The following PTPRT variants were observed in gnomAD, a reference collection of about 807,000 sequenced individuals.
PTPRT encodes the protein protein tyrosine phosphatase receptor type T, also known as receptor-type tyrosine-protein phosphatase T.
A neutral mutation model predicts 176.8 loss-of-function variants in PTPRT; 56 were observed. The ratio of observed to expected loss-of-function variants is 0.32; its 90% CI spans 0.26 to 0.40. The LOEUF is 0.40. PTPRT is among the 10% of genes least tolerant of loss of function. PTPRT has a pLI of 1.00. For missense variants in PTPRT, 1,540 were observed against 1,908.2 expected (o/e 0.81, Z 3.60); for synonymous variants, 783 against 739.0 (o/e 1.06, Z -0.96).
intron 2 of PTPRT, among the ~76,000 whole-genome samples, chr20:42,884,421 G>A (rs548399307): frequency 1.3e-5 from 2 of 152,192 alleles, no homozygotes; most frequent in South Asian, 4.2e-4. Flanking sequence ...ACCCTCACCT[G>A]GGCATCTCTG....
At chr20:43,036,153 T>C (rs758412199) in intron 1 of PTPRT, among the ~76,000 whole-genome samples, 3 of 152,384 alleles carry the variant, frequency 2.0e-5, no homozygotes, top group South Asian at 4.1e-4. Flanking sequence ...TTATGTATTA[T>C]GAAACTGAAT....
chr20:42,573,313 G>A (rs1352639292), intron 7 of PTPRT, among the ~76,000 whole-genome samples: 3 of 152,142 alleles, frequency 2.0e-5, no homozygotes, highest in African/African-American at 2.4e-5. Flanking sequence ...TTCCACAGTG[G>A]CATGAGTCCA....
chr20:42,501,693 T>G (rs1029312653), intron 7 of PTPRT, among the ~76,000 whole-genome samples: 1 of 152,216 alleles, frequency 6.6e-6, no homozygotes, highest in Non-Finnish European at 1.5e-5. Context: ...ATATTTATTA[T>G]CTGGTTTTTA....
At chr20:42,242,110 C>T (rs907851947) in intron 14 of PTPRT, among the ~76,000 whole-genome samples, 1 of 152,092 alleles carries the variant, frequency 6.6e-6, no homozygotes, top group Non-Finnish European at 1.5e-5. Context: ...TACCCAGAAA[C>T]AAAACAAAAC....
Position 42,812,072 on chromosome 20 carries a change from T to TC in PTPRT, c.215-20607_215-20606insG, listed in dbSNP as rs2077705379. On this transcript the variant is annotated intron_variant, in intron 2 of 30. Coordinates refer to ENST00000373187, the MANE Select transcript of PTPRT (RefSeq NM_007050.6). ...TAGAGAAGTCTGAGGACAACTTGAC[T>TC]TTTTTTTTCTCCTTGTGGAGGATAT... 2.0e-3 allele frequency among the ~76,000 whole-genome samples: 3 copies of TC among 1,484 alleles called. No individual in the cohort carries two copies. In the Admixed American group the frequency reaches 0.021, roughly 10 times the overall value. The allele number at this position is 1,484 out of a possible 152,430, so 1.0% of individuals were successfully genotyped here. A position where few individuals can be genotyped will look rare whatever the true frequency, so the allele number is the denominator to read the frequency against.
chr20:42,245,902 C>T (rs1055250488), intron 14 of PTPRT, among the ~76,000 whole-genome samples: 1 of 152,072 alleles, frequency 6.6e-6, no homozygotes, highest in African/African-American at 2.4e-5. Flanking sequence ...GGGAGAAGAC[C>T]CAGGCAAGCT....
At chr20:42,830,681 T>TG in intron 2 of PTPRT, among the ~76,000 whole-genome samples, 1 of 151,844 alleles carries the variant, frequency 6.6e-6, no homozygotes, top group East Asian at 1.9e-4. Context: ...ACAACATGAT[T>TG]TTATATCTAT....
At chr20:42,134,640 A>C (rs999170309) in intron 18 of PTPRT, among the ~76,000 whole-genome samples, 3 of 152,218 alleles carry the variant, frequency 2.0e-5, no homozygotes, top group African/African-American at 4.8e-5. Context: ...GTAAATGTTT[A>C]ACATACAGCT....
At chr20:42,256,590 C>A in intron 13 of PTPRT, among the ~76,000 whole-genome samples, 1 of 148,100 alleles carries the variant, frequency 6.8e-6, no homozygotes, top group Non-Finnish European at 1.5e-5. Flanking sequence ...ATCAGGTTCC[C>A]CCCACCCCCA....
chr20:42,555,624 T>C (rs570262461), intron 7 of PTPRT, among the ~76,000 whole-genome samples: 16 of 152,272 alleles, frequency 1.1e-4, no homozygotes, highest in East Asian at 5.8e-4. Flanking sequence ...ACGTAACTTA[T>C]AGTCCTTCCC....
At chr20:42,858,777 G>A (rs2078609641) in intron 2 of PTPRT, among the ~76,000 whole-genome samples, 1 of 152,164 alleles carries the variant, frequency 6.6e-6, no homozygotes, top group Non-Finnish European at 1.5e-5. Flanking sequence ...AGGGGTTGGG[G>A]GATCCTCAGT....
At chr20:42,992,474 C>T (rs6016934) in intron 1 of PTPRT, among the ~76,000 whole-genome samples, 94 of 152,312 alleles carry the variant, frequency 6.2e-4, no homozygotes, top group African/African-American at 2.2e-3. Context: ...AACCTAGCTG[C>T]CCTGCCTAGC....
intron 1 of PTPRT, among the ~76,000 whole-genome samples, chr20:42,929,462 A>G (rs955396307): frequency 6.6e-6 from 1 of 152,250 alleles, no homozygotes; most frequent in Non-Finnish European, 1.5e-5. Context: ...CAACTAAAAG[A>G]AAGTGCATTA....
intron 1 of PTPRT, among the ~76,000 whole-genome samples, chr20:43,092,962 A>AAC (rs746198360): frequency 6.6e-6 from 1 of 152,242 alleles, no homozygotes; most frequent in Admixed American, 6.5e-5. Flanking sequence ...TAGAAAAGTT[A>AAC]ACACACACAC....
At chr20:42,860,266 TAATC>T (rs1424939050) in intron 2 of PTPRT, among the ~76,000 whole-genome samples, 1 of 152,218 alleles carries the variant, frequency 6.6e-6, no homozygotes, top group African/African-American at 2.4e-5. Context: ...TTTATTCTGT[TAATC>T]TATCTGTCTC....
chr20:42,664,041 A>G (rs1352220237), intron 7 of PTPRT, among the ~76,000 whole-genome samples: 1 of 152,234 alleles, frequency 6.6e-6, no homozygotes, highest in Non-Finnish European at 1.5e-5. Flanking sequence ...AAATGCCTGT[A>G]AGAACCTGCT....
intron 7 of PTPRT, among the ~76,000 whole-genome samples, chr20:42,545,378 A>G (rs1430601475): frequency 6.6e-6 from 1 of 152,188 alleles, no homozygotes; most frequent in Admixed American, 6.5e-5. Context: ...AGCCAGAGCC[A>G]GCTGACAGCA....
intron 7 of PTPRT, among the ~76,000 whole-genome samples, chr20:42,528,800 C>T (rs1184973334): frequency 6.6e-6 from 1 of 152,200 alleles, no homozygotes; most frequent in African/African-American, 2.4e-5. Flanking sequence ...TTTATGCTTG[C>T]TTAATCTTAG....
intron 1 of PTPRT, among the ~76,000 whole-genome samples, chr20:43,151,402 G>A (rs898733671): frequency 1.3e-5 from 2 of 151,862 alleles, no homozygotes; most frequent in African/African-American, 4.8e-5. Flanking sequence ...AGGTGGGGGT[G>A]GGGGAATACC....
Sources: gnomAD v4.1 joint callset for allele counts (sites outside exome capture counted in the v4.1 genomes callset) on GRCh38, gnomAD v4.1.1 for gene constraint, MANE v1.5 for transcripts, NCBI Gene and HGNC (gene_info 2026-07-23, HGNC 2026-07-21) for gene names.